Variants in PDE1A observed in about 807,000 individuals in gnomAD.
PDE1A encodes the protein phosphodiesterase 1A.
PDE1A carries 35 observed loss-of-function variants against 61.7 expected under a neutral mutation model. The observed-to-expected ratio is 0.57, with a 90% CI of 0.43 to 0.75. The LOEUF (loss-of-function observed/expected upper bound fraction) is 0.75, where lower values mean the gene tolerates loss of function less well. Ranked by LOEUF, PDE1A falls within the 30% of genes least tolerant of loss-of-function variation. PDE1A has a pLI of 0.00. For synonymous variants in PDE1A, 232 were observed against 213.2 expected (o/e 1.09, Z -0.77); for missense variants, 597 against 630.6 (o/e 0.95, Z 0.57).
At chr2:182,328,230 G>A (rs1697175026) in intron 1 of PDE1A, among the ~76,000 whole-genome samples, 1 of 152,184 alleles carries the variant, frequency 6.6e-6, no homozygotes, top group Non-Finnish European at 1.5e-5. Flanking sequence ...ATGATTGCCA[G>A]GAAACATTAA....
chr2:182,510,121 C>T (rs895980740), intron 2 of PDE1A, among the ~76,000 whole-genome samples: 3 of 151,730 alleles, frequency 2.0e-5, no homozygotes, highest in Admixed American at 6.6e-5. Context: ...AGCTTTTTGT[C>T]GGCCTATTTA....
chr2:182,644,263 CTGTGTGTGTGTGTG>C, the PDE1A span, among the ~76,000 whole-genome samples: 1 of 123,044 alleles, frequency 8.1e-6, no homozygotes, highest in Admixed American at 8.5e-5. Flanking sequence ...TCTTAAGACT[CTGTGTGTGTGTGTG>C]TGTGTGTGTG....
intron 2 of PDE1A, among the ~76,000 whole-genome samples, chr2:182,451,816 C>T (rs1037684571): frequency 2.0e-5 from 3 of 152,082 alleles, no homozygotes; most frequent in Non-Finnish European, 2.9e-5. Context: ...ACTGCCTCCA[C>T]GGCTTTGTCT....
the PDE1A span, among the ~76,000 whole-genome samples, chr2:182,546,720 T>C: frequency 6.6e-6 from 1 of 152,172 alleles, no homozygotes; most frequent in South Asian, 2.1e-4. Context: ...TCTTCTTCCT[T>C]GCCAAACCAA....
intron 2 of PDE1A, among the ~76,000 whole-genome samples, chr2:182,253,311 A>C (rs1240614636): frequency 6.6e-6 from 1 of 152,212 alleles, no homozygotes; most frequent in African/African-American, 2.4e-5. Context: ...TTCCTTAAAA[A>C]CAGTTAAAAG....
chr2:182,340,455 G>T (rs1473251337), intron 1 of PDE1A, among the ~76,000 whole-genome samples: 1 of 152,032 alleles, frequency 6.6e-6, no homozygotes, highest in African/African-American at 2.4e-5. Flanking sequence ...CTAAGCCAAG[G>T]GCACCTTGTC....
the PDE1A span, among the ~76,000 whole-genome samples, chr2:182,543,787 G>A: frequency 5.3e-4 from 80 of 152,096 alleles, 1 homozygote; most frequent in African/African-American, 1.9e-3. Context: ...TATAATGTGA[G>A]ATTTATAATT....
intron 2 of PDE1A, among the ~76,000 whole-genome samples, chr2:182,432,706 C>A (rs770401966): frequency 6.6e-6 from 1 of 151,922 alleles, no homozygotes. Context: ...TCCTCCAGCC[C>A]ATTGTTTTTC....
the PDE1A span, among the ~76,000 whole-genome samples, chr2:182,665,187 T>TA: frequency 6.6e-6 from 1 of 152,088 alleles, no homozygotes; most frequent in Non-Finnish European, 1.5e-5. Flanking sequence ...TTTCTTGTCA[T>TA]AAAAAATGTA....
Position 182,309,684 on chromosome 2 carries a change from T to C in PDE1A, c.54-45270A>G, listed in dbSNP as rs565717477. On this transcript the variant is annotated intron_variant, in intron 1 of 13. Coordinates refer to ENST00000351439, the Ensembl canonical transcript of PDE1A. ...GCAATTGTTTGAAGGGCGAGAAGAA[T>C]GAATCAATGAAGAAAACCTTATTTT... is the stretch of plus-strand genomic sequence containing the variant. 2.0e-5 allele frequency among the ~76,000 whole-genome samples: 3 copies of C among 152,154 alleles called. No homozygotes were observed. In the East Asian group the frequency reaches 5.8e-4, roughly 29 times the overall value.
chr2:182,386,578 C>T (rs913949729), intron 1 of PDE1A, among the ~76,000 whole-genome samples: 8 of 151,084 alleles, frequency 5.3e-5, no homozygotes, highest in East Asian at 2.0e-4. Flanking sequence ...GCAGCCACCC[C>T]GTCTGAGAAG....
chr2:182,304,220 C>T (rs558679088), intron 1 of PDE1A, among the ~76,000 whole-genome samples: 4 of 152,242 alleles, frequency 2.6e-5, no homozygotes, highest in Non-Finnish European at 4.4e-5. Flanking sequence ...CCAGCCTCTG[C>T]TAGCTTCAAA....
At chr2:182,404,713 A>G (rs1702204263) in intron 1 of PDE1A, among the ~76,000 whole-genome samples, 1 of 152,160 alleles carries the variant, frequency 6.6e-6, no homozygotes, top group South Asian at 2.1e-4. Context: ...GGGCCACACA[A>G]GGTCAGGATA....
rs187830973 is a variant in PDE1A at position 182,484,214 on chromosome 2, A to C, written c.101+38062T>G. On this transcript the variant is annotated intron_variant, in intron 2 of 14. Transcript: ENST00000410103. ...TAATCCTACACAACCTTTTTCATCA[A>C]CTAGAGGTGGAGGAACACTTCCCAA... is the stretch of plus-strand genomic sequence containing the variant. Among the ~76,000 whole-genome samples, 729 of 152,158 alleles carry C rather than the reference A, an allele frequency of 4.8e-3. 6 individuals carry two copies. The highest frequency in any genetic ancestry group is 0.027 in the Middle Eastern group (8 of 294).
the PDE1A span, among the ~76,000 whole-genome samples, chr2:182,683,926 C>G: frequency 6.6e-6 from 1 of 151,806 alleles, no homozygotes; most frequent in African/African-American, 2.4e-5. Context: ...TCGAGACCAG[C>G]CAGACCAACA....
At chr2:182,534,410 T>C in the PDE1A span, among the ~76,000 whole-genome samples, 1 of 152,028 alleles carries the variant, frequency 6.6e-6, no homozygotes. Flanking sequence ...AGATCTTTAA[T>C]ATTTACTCCA....
intron 13 of PDE1A, among the ~76,000 whole-genome samples, chr2:182,152,219 TG>T (rs2125275838): frequency 6.6e-6 from 1 of 152,286 alleles, no homozygotes; most frequent in South Asian, 2.1e-4. Context: ...ATATAGTTTA[TG>T]TTGCAGATAA....
chr2:182,255,989 C>G (rs1226384157), intron 2 of PDE1A, among the ~76,000 whole-genome samples: 2 of 150,424 alleles, frequency 1.3e-5, no homozygotes, highest in Non-Finnish European at 3.0e-5. Flanking sequence ...CATTTTCAAC[C>G]AATGTTTGGC....
At chr2:182,272,500 C>G (rs1246986112) in intron 1 of PDE1A, among the ~76,000 whole-genome samples, 1 of 152,158 alleles carries the variant, frequency 6.6e-6, no homozygotes, top group Non-Finnish European at 1.5e-5. Flanking sequence ...TATTCAACAA[C>G]TTCAAAAATT....
Sources: gnomAD v4.1 joint callset for allele counts (sites outside exome capture counted in the v4.1 genomes callset) on GRCh38, gnomAD v4.1.1 for gene constraint, MANE v1.5 for transcripts, NCBI Gene and HGNC (gene_info 2026-07-23, HGNC 2026-07-21) for gene names.